Variants in KSR2 observed in about 807,000 individuals in gnomAD.
KSR2 encodes the protein kinase suppressor of ras 2.
KSR2 carries 25 observed loss-of-function variants against 107.8 expected under a neutral mutation model. That is an observed-to-expected ratio of 0.23 (90% CI 0.17 to 0.32). The LOEUF (loss-of-function observed/expected upper bound fraction) is 0.32. Among genes scored for constraint, KSR2 ranks in the 10% least tolerant of loss-of-function variants. KSR2 has a pLI of 1.00. For synonymous variants in KSR2, 480 were observed against 507.0 expected, an observed-to-expected ratio of 0.95 and a Z score of 0.71; for missense variants, 887 against 1,268.9, an observed-to-expected ratio of 0.70 and a Z score of 4.57.
intron 4 of KSR2, among the ~76,000 whole-genome samples, chr12:117,675,674 C>T (rs766007859): frequency 1.3e-5 from 2 of 152,192 alleles, no homozygotes; most frequent in Non-Finnish European, 2.9e-5. Context: ...TGAAACAGAG[C>T]CGCTGGCTCA....
chr12:117,915,894 C>G (rs1020987112), intron 1 of KSR2, among the ~76,000 whole-genome samples: 1 of 152,086 alleles, frequency 6.6e-6, no homozygotes, highest in South Asian at 2.1e-4. Context: ...CACCCAGAAT[C>G]AACAAAACCT....
At chr12:117,872,292 A>G (rs577360112) in intron 1 of KSR2, among the ~76,000 whole-genome samples, 2 of 152,244 alleles carry the variant, frequency 1.3e-5, no homozygotes, top group South Asian at 2.1e-4. Flanking sequence ...TCAACTGAAG[A>G]TGTCTGTTAA....
At chr12:117,632,568 A>T (rs1190741549) in intron 5 of KSR2, among the ~76,000 whole-genome samples, 1 of 152,042 alleles carries the variant, frequency 6.6e-6, no homozygotes, top group African/African-American at 2.4e-5. Context: ...TCAGGGGTAC[A>T]TGTGCAGGTT....
At chr12:117,487,498 C>T (rs985655629) in intron 14 of KSR2, among the ~76,000 whole-genome samples, 3 of 152,218 alleles carry the variant, frequency 2.0e-5, no homozygotes, top group African/African-American at 7.2e-5. Context: ...AGGGCATTTG[C>T]TGTGGCTGCT....
chr12:117,880,248 A>G (rs534194471), intron 1 of KSR2, among the ~76,000 whole-genome samples: 1 of 152,362 alleles, frequency 6.6e-6, no homozygotes, highest in East Asian at 1.9e-4. Context: ...TAAATTAAAT[A>G]TTAATTTCTA....
chr12:117,631,316 A>T (rs1342944056), intron 5 of KSR2, among the ~76,000 whole-genome samples: 4 of 152,174 alleles, frequency 2.6e-5, no homozygotes, highest in Non-Finnish European at 4.4e-5. Context: ...AAAGAAATAA[A>T]TAAAAATTTG....
chr12:117,479,160 T>C (rs1871991470), intron 16 of KSR2, among the ~76,000 whole-genome samples: 1 of 152,108 alleles, frequency 6.6e-6, no homozygotes, highest in African/African-American at 2.4e-5. Flanking sequence ...ATCTCACACA[T>C]GAAGGTAGCA....
intron 1 of KSR2, among the ~76,000 whole-genome samples, chr12:117,863,103 A>G (rs1893365307): frequency 6.6e-6 from 1 of 152,116 alleles, no homozygotes; most frequent in African/African-American, 2.4e-5. Context: ...CCCACAGTCC[A>G]TCCGGCTGAT....
intron 3 of KSR2, among the ~76,000 whole-genome samples, chr12:117,831,532 A>T (rs1020690103): frequency 6.6e-6 from 1 of 152,228 alleles, no homozygotes; most frequent in Non-Finnish European, 1.5e-5. Context: ...CAAGGGGGAG[A>T]AAAATCCTTG....
At chr12:117,583,987 A>G (rs1315554025) in intron 5 of KSR2, among the ~76,000 whole-genome samples, 1 of 151,840 alleles carries the variant, frequency 6.6e-6, no homozygotes, top group Non-Finnish European at 1.5e-5. Context: ...TTAACCCCCA[A>G]CCTACTCGCT....
intron 5 of KSR2, among the ~76,000 whole-genome samples, chr12:117,594,126 T>C (rs991495141): frequency 1.3e-5 from 2 of 152,198 alleles, no homozygotes; most frequent in Non-Finnish European, 2.9e-5. Flanking sequence ...GATGGAAATA[T>C]GATGTTTCTC....
At chr12:117,855,359 G>A in intron 3 of KSR2, 69 bp downstream of exon 3, 1 of 1,571,306 alleles carries the variant, frequency 6.4e-7, no homozygotes, top group Middle Eastern at 1.7e-4. Flanking sequence ...GCGGGCACGG[G>A]ATGCCGAGGG....
At position 117,558,510 on chromosome 12, in the gene KSR2, T is replaced by C. The variant is rs559964821; in HGVS notation, c.1389A>G (p.Arg463=). ...CAGTAAGTGTTAAATAGTTACCTCC[T>C]CGGTGGATGATCAGAAGATGACAGG... is the stretch of plus-strand genomic sequence containing the variant. The part of the protein sequence containing the change: ...APPCHLLIIH[R]GDPARLVRTE... Residue 463 remains arginine (R), a synonymous_variant, in exon 8 of 20, where the codon CGA becomes CGG. Transcript: ENST00000339824. 1.9e-6 allele frequency: 3 copies of C among 1,613,812 alleles called. No homozygotes were observed. The Admixed American group carries it at 5.0e-5, about 27-fold the overall frequency.
intron 4 of KSR2, among the ~76,000 whole-genome samples, chr12:117,700,251 G>A (rs1466995224): frequency 6.6e-6 from 1 of 152,086 alleles, no homozygotes; most frequent in African/African-American, 2.4e-5. Flanking sequence ...TTTACAGAGG[G>A]GACACAGAAT....
At chr12:117,894,411 T>A (rs1381239527) in intron 1 of KSR2, among the ~76,000 whole-genome samples, 1 of 152,148 alleles carries the variant, frequency 6.6e-6, no homozygotes, top group African/African-American at 2.4e-5. Context: ...ATCCCTGTCA[T>A]CCCAACACTT....
chr12:117,829,560 G>A (rs1256050647), intron 3 of KSR2, among the ~76,000 whole-genome samples: 1 of 152,138 alleles, frequency 6.6e-6, no homozygotes, highest in Non-Finnish European at 1.5e-5. Context: ...TAAGTACATG[G>A]GCCTACTTGT....
chr12:117,875,869 C>G (rs1394998169), intron 1 of KSR2, among the ~76,000 whole-genome samples: 1 of 152,146 alleles, frequency 6.6e-6, no homozygotes, highest in African/African-American at 2.4e-5. Flanking sequence ...CCCCCACCAC[C>G]ACCACACACC....
intron 14 of KSR2, among the ~76,000 whole-genome samples, chr12:117,487,534 C>T (rs1489060984): frequency 6.6e-6 from 1 of 152,160 alleles, no homozygotes; most frequent in Admixed American, 6.5e-5. Flanking sequence ...GAAGGGTGGG[C>T]AGAGCAGCCA....
intron 4 of KSR2, among the ~76,000 whole-genome samples, chr12:117,730,712 G>T (rs1014765338): frequency 7.2e-5 from 11 of 152,348 alleles, no homozygotes; most frequent in Admixed American, 7.2e-4. Context: ...GTTTCGCTGT[G>T]TTGGCCAGGC....
Sources: gnomAD v4.1 joint callset for allele counts (sites outside exome capture counted in the v4.1 genomes callset) on GRCh38, gnomAD v4.1.1 for gene constraint, MANE v1.5 for transcripts, NCBI Gene and HGNC (gene_info 2026-07-23, HGNC 2026-07-21) for gene names.